Variants in MATK observed in about 807,000 individuals in gnomAD.
The protein encoded by MATK is megakaryocyte-associated tyrosine kinase, also known as megakaryocyte-associated tyrosine-protein kinase.
MATK carries 41 observed loss-of-function variants against 59.8 expected under a neutral mutation model. The ratio of observed to expected loss-of-function variants is 0.69; its 90% confidence interval spans 0.53 to 0.89. MATK has a LOEUF of 0.89. Among genes scored for constraint, MATK ranks in the 40% least tolerant of loss-of-function variants. The probability of loss-of-function intolerance (pLI) is 0.00; values close to 1 mark genes in which losing one functional copy is unlikely to be tolerated. For synonymous variants in MATK, 308 were observed against 306.1 expected, an observed-to-expected ratio of 1.01 and a Z score of -0.06; for missense variants, 593 against 719.6, an observed-to-expected ratio of 0.82 and a Z score of 2.01.
At position 3,779,203 on chromosome 19, in the gene MATK, G is replaced by A. The variant is rs2145745554; in HGVS notation, c.1002-16C>T. 6.4e-7 allele frequency: 1 copy of A among 1,567,164 alleles called. No homozygotes were observed. Among genetic ancestry groups the A allele is most frequent in the South Asian group, 1.2e-5 (1 of 86,622 alleles). On this transcript the variant is annotated splice_polypyrimidine_tract_variant and intron_variant, in intron 11 of 13. Transcript: ENST00000310132. ...GGCCACGTGCCTGGGGGTAGTAGGG[G>A]GCAGTGGGGGCTCAGGTGCCAGGAT... is the stretch of plus-strand genomic sequence containing the variant.
At chr19:3,788,280 G>A (rs1354150745), upstream of MATK, among the ~76,000 whole-genome samples, 2 of 151,720 alleles carry the variant, frequency 1.3e-5, no homozygotes, top group East Asian at 1.9e-4. Context: ...CCTGAGGTCA[G>A]GAGTTCTAGA....
chr19:3,786,870 A>G (rs1478884219), upstream of MATK, among the ~76,000 whole-genome samples: 1 of 152,134 alleles, frequency 6.6e-6, no homozygotes, highest in Non-Finnish European at 1.5e-5. The surrounding 1 kb of genome is among the most constrained non-coding windows in gnomAD (Gnocchi z 4.1). Flanking sequence ...CAAACTTCTT[A>G]GAGCTGCCCT....
intron 1 of MATK, among the ~76,000 whole-genome samples, chr19:3,794,043 C>T (rs2037569678): frequency 6.6e-6 from 1 of 152,206 alleles, no homozygotes; most frequent in South Asian, 2.1e-4. Flanking sequence ...TTTGCACATG[C>T]TCTTCCTATC....
chr19:3,797,821 C>G (rs1028537489), intron 1 of MATK, among the ~76,000 whole-genome samples: 9 of 151,982 alleles, frequency 5.9e-5, no homozygotes, highest in Admixed American at 1.3e-4. Context: ...GCTGATGGGT[C>G]ACCAGAGGTC....
At chr19:3,786,933 T>G (rs2037492314), upstream of MATK, among the ~76,000 whole-genome samples, 1 of 151,960 alleles carries the variant, frequency 6.6e-6, no homozygotes, top group Non-Finnish European at 1.5e-5. The surrounding 1 kb of genome is among the most constrained non-coding windows in gnomAD (Gnocchi z 4.1). Context: ...GCTCTGCCCG[T>G]AGGTAGGAGG....
Position 3,778,036 on chromosome 19 carries a change from C to A in MATK, c.*147G>T. On this transcript the variant is annotated 3_prime_UTR_variant, in exon 14 of 14. Transcript: ENST00000310132. The stretch of plus-strand genomic sequence containing the variant: ...CAGGTCTGGGGTGTCCACGGGCCGC[C>A]CAGAGCCCCCTACGTGGGCCAGCCC... 1.6e-6 allele frequency: 2 copies of A among 1,219,796 alleles called. No individual in the cohort carries two copies. The highest frequency in any genetic ancestry group is 1.6e-5 in the South Asian group (1 of 63,700). 75.6% of individuals were successfully genotyped at this position (1,219,796 alleles called of 1,614,324 possible). A position where few individuals can be genotyped will look rare whatever the true frequency, so the allele number is the denominator to read the frequency against.
intron 8 of MATK, 131 bp downstream of exon 8, chr19:3,781,476 G>A: frequency 1.1e-6 from 1 of 925,066 alleles, no homozygotes; most frequent in Non-Finnish European, 1.7e-6. Context: ...GAGGCTCAGA[G>A]GATTTGCACG....
upstream of MATK, among the ~76,000 whole-genome samples, chr19:3,788,223 T>A (rs1175943681): frequency 1.3e-5 from 2 of 151,602 alleles, no homozygotes; most frequent in Non-Finnish European, 2.9e-5. Context: ...GCCCAGTGGC[T>A]CACGCCTGTA....
chr19:3,784,398 G>A lies in MATK; in HGVS notation c.186C>T (p.Pro62=). ...TGCGGAAGGCCAGCTCCCCTGGCTTGGGGCGGGTGTGCTCGCATTTGGTGA... is the reference window on the plus strand; with the variant it reads ...TGCGGAAGGCCAGCTCCCCTGGCTTAGGGCGGGTGTGCTCGCATTTGGTGA... The part of the protein sequence containing the change: ...QCITKCEHTR[P]KPGELAFRKG... Residue 62 remains proline (P), a synonymous_variant, in exon 4 of 14, where the codon CCC becomes CCT. Transcript: ENST00000310132. The A allele has an allele frequency of 1.2e-6, 2 of 1,605,796 alleles. No homozygotes were observed. Among genetic ancestry groups the A allele is most frequent in the Non-Finnish European group, 1.7e-6 (2 of 1,177,642 alleles).
At chr19:3,783,557 G>A (rs2037431386) in intron 6 of MATK, among the ~76,000 whole-genome samples, 1 of 152,020 alleles carries the variant, frequency 6.6e-6, no homozygotes, top group Non-Finnish European at 1.5e-5. Context: ...CCTCCTGTCT[G>A]CCCATCTGAG....
chr19:3,795,199 G>A (rs544749957), intron 1 of MATK, among the ~76,000 whole-genome samples: 4 of 150,044 alleles, frequency 2.7e-5, no homozygotes, highest in Admixed American at 6.7e-5. Context: ...GGATGGTCTC[G>A]ATCTCCTGAC....
chr19:3,796,481 T>C (rs2037595632), intron 1 of MATK, among the ~76,000 whole-genome samples: 1 of 152,188 alleles, frequency 6.6e-6, no homozygotes, highest in Non-Finnish European at 1.5e-5. Context: ...TTATAGTATA[T>C]ATATTAATAT....
At chr19:3,785,481 G>T in intron 1 of MATK, 195 bp from the exon 2 acceptor site, 1 of 360,494 alleles carries the variant, frequency 2.8e-6, no homozygotes, top group East Asian at 6.2e-5. Flanking sequence ...TTGCTGCAGG[G>T]GTGGGGGAGC....
At chr19:3,783,251 C>A in intron 6 of MATK, 32 bp from the exon 7 acceptor site, 1 of 1,476,220 alleles carries the variant, frequency 6.8e-7, no homozygotes, top group African/African-American at 1.4e-5. Flanking sequence ...ATGAGCCCAG[C>A]CCCAGGGAGG....
chr19:3,787,049 C>T (rs866723135), upstream of MATK, among the ~76,000 whole-genome samples: 12 of 152,298 alleles, frequency 7.9e-5, no homozygotes, highest in South Asian at 2.5e-3. Flanking sequence ...GTGGACAGGG[C>T]CCTGGCCCCC....
intron 1 of MATK, among the ~76,000 whole-genome samples, chr19:3,795,202 C>T (rs2037582711): frequency 6.6e-6 from 1 of 151,248 alleles, no homozygotes; most frequent in Non-Finnish European, 1.5e-5. Flanking sequence ...TGGTCTCGAT[C>T]TCCTGACCTC....
chr19:3,801,132 C>G (rs1171872243), intron 1 of MATK, among the ~76,000 whole-genome samples: 1 of 152,208 alleles, frequency 6.6e-6, no homozygotes, highest in African/African-American at 2.4e-5. Flanking sequence ...CCACCGCGCC[C>G]GGCCGATGCT....
At position 3,779,049 on chromosome 19, in the gene MATK, C is replaced by A; in HGVS notation, c.1140G>T (p.Gly380=). The change falls in exon 12 of 14, where the codon GGG becomes GGT. Residue 380 remains glycine, a synonymous_variant. Coordinates refer to ENST00000310132, the MANE Select transcript of MATK (RefSeq NM_139355.3). ...DFGLAKAERK[G]LDSSRLPVKW... is the part of the protein sequence containing the mutation. Reference sequence around the variant, plus strand: ...TGACGGGCAGCCGGCTTGAGTCTAGCCCCTTCCGCTCGGCTTTGGCCAGGC... The same window carrying A: ...TGACGGGCAGCCGGCTTGAGTCTAGACCCTTCCGCTCGGCTTTGGCCAGGC... 1 of 1,604,432 alleles carries A rather than the reference C, an allele frequency of 6.2e-7. No individual in the cohort carries two copies. Among genetic ancestry groups the A allele is most frequent in the Non-Finnish European group, 8.5e-7 (1 of 1,177,692 alleles).
Position 3,783,796 on chromosome 19 carries a change from G to A in MATK, c.582+18C>T. On this transcript the variant is annotated intron_variant, in intron 6 of 13. Transcript: ENST00000310132. ...TGCCCCACTGCAGGGACGGGGTGGG[G>A]CCTCTGGGTGGCAGCACCTCCACCA... 1 of 1,605,394 alleles carries A rather than the reference G, an allele frequency of 6.2e-7. No individual in the cohort carries two copies. Among genetic ancestry groups the A allele is most frequent in the East Asian group, 2.2e-5 (1 of 44,672 alleles).
Sources: gnomAD v4.1 joint callset for allele counts (sites outside exome capture counted in the v4.1 genomes callset) on GRCh38, gnomAD v4.1.1 for gene constraint, Gnocchi (gnomAD v3.1) non-coding constraint, MANE v1.5 for transcripts, NCBI Gene and HGNC (gene_info 2026-07-23, HGNC 2026-07-21) for gene names.